Variants in MACROD2 observed in about 807,000 individuals in gnomAD.
The protein encoded by MACROD2 is ADP-ribose glycohydrolase MACROD2.
A neutral mutation model predicts 70.4 loss-of-function variants in MACROD2; 36 were observed. The ratio of observed to expected loss-of-function variants is 0.51; its 90% CI spans 0.39 to 0.68. The LOEUF (loss-of-function observed/expected upper bound fraction) is 0.68. Among genes scored for constraint, MACROD2 ranks in the 30% least tolerant of loss-of-function variants. MACROD2 has a pLI of 0.00. For synonymous variants in MACROD2, 172 were observed against 178.8 expected, an observed-to-expected ratio of 0.96 and a Z score of 0.30; for missense variants, 496 against 538.4, an observed-to-expected ratio of 0.92 and a Z score of 0.78.
At chr20:14,190,728 T>TTTTTTTTTC (rs765628902) in intron 3 of MACROD2, among the ~76,000 whole-genome samples, 3 of 71,660 alleles carry the variant, frequency 4.2e-5, no homozygotes, top group African/African-American at 6.5e-5. Context: ...TTTTTTTTTT[T>TTTTTTTTTC]CCAGAGTCTT....
In MACROD2 at chr20:15,171,772, C is replaced by T. The variant is rs566662911; in HGVS notation, c.419-58168C>T. Among the ~76,000 whole-genome samples, 7 of 152,258 alleles carry T rather than the reference C, an allele frequency of 4.6e-5. No individual in the cohort carries two copies. In the East Asian group the frequency reaches 1.4e-3, roughly 29 times the overall value. On this transcript the variant is annotated intron_variant, in intron 5 of 17. Transcript: ENST00000684519. Reference sequence around the variant, plus strand: ...TTATTCTCTATCACTGTGTTTTGTTCTGAAATCCTTCCTGACATTCCCACA... The same window carrying T: ...TTATTCTCTATCACTGTGTTTTGTTTTGAAATCCTTCCTGACATTCCCACA...
intron 5 of MACROD2, among the ~76,000 whole-genome samples, chr20:14,734,526 CA>C (rs899461914): frequency 6.4e-5 from 7 of 109,808 alleles, no homozygotes; most frequent in Non-Finnish European, 1.4e-4. Flanking sequence ...ACAAAAAAAA[CA>C]AAAACAAAAA....
chr20:14,996,257 T>C (rs1455287029), intron 5 of MACROD2, among the ~76,000 whole-genome samples: 3 of 152,176 alleles, frequency 2.0e-5, no homozygotes, highest in Admixed American at 6.5e-5. Context: ...TGTGTGGCTT[T>C]TCACATCAAG....
intron 5 of MACROD2, among the ~76,000 whole-genome samples, chr20:14,945,601 A>G (rs184799402): frequency 6.1e-4 from 93 of 152,230 alleles, no homozygotes; most frequent in Non-Finnish European, 7.1e-4. Context: ...TTATTAAAGG[A>G]TTACCAATTG....
At chr20:15,357,587 C>T (rs952199919) in intron 6 of MACROD2, among the ~76,000 whole-genome samples, 1 of 152,040 alleles carries the variant, frequency 6.6e-6, no homozygotes, top group African/African-American at 2.4e-5. Flanking sequence ...ATAATTCCTA[C>T]ACACATTACA....
At chr20:16,043,769 A>G (rs944835605) in intron 16 of MACROD2, among the ~76,000 whole-genome samples, 2 of 152,112 alleles carry the variant, frequency 1.3e-5, no homozygotes, top group African/African-American at 4.8e-5. Flanking sequence ...AAAGTATGGC[A>G]AACCAAACAG....
intron 4 of MACROD2, among the ~76,000 whole-genome samples, chr20:14,522,629 G>A (rs2085181756): frequency 6.6e-6 from 1 of 152,146 alleles, no homozygotes; most frequent in Non-Finnish European, 1.5e-5. Flanking sequence ...AGGCCTTTTG[G>A]TTTCTTAAAA....
At chr20:14,802,683 G>A (rs573600756) in intron 5 of MACROD2, among the ~76,000 whole-genome samples, 21 of 151,716 alleles carry the variant, frequency 1.4e-4, no homozygotes, top group Admixed American at 1.3e-3. Context: ...TGATATCTTC[G>A]TAAATTTGTA....
chr20:14,001,380 G>A (rs1466297739), intron 1 of MACROD2, among the ~76,000 whole-genome samples: 4 of 151,444 alleles, frequency 2.6e-5, no homozygotes, highest in Non-Finnish European at 5.9e-5. Flanking sequence ...TCATTTTATC[G>A]TCAAGATATA....
chr20:15,919,320 G>A (rs2065366742), intron 10 of MACROD2, among the ~76,000 whole-genome samples: 2 of 152,208 alleles, frequency 1.3e-5, no homozygotes, highest in Non-Finnish European at 2.9e-5. Context: ...GGAAACAGAT[G>A]TTCCTATCTG....
intron 7 of MACROD2, among the ~76,000 whole-genome samples, chr20:15,491,089 G>T (rs914740131): frequency 6.6e-6 from 1 of 152,098 alleles, no homozygotes; most frequent in Non-Finnish European, 1.5e-5. Flanking sequence ...CATAATAATT[G>T]CTCAGTAAAT....
chr20:14,134,818 A>AAC (rs1425987822), intron 3 of MACROD2, among the ~76,000 whole-genome samples: 1 of 151,422 alleles, frequency 6.6e-6, no homozygotes, highest in Non-Finnish European at 1.5e-5. Context: ...AAAAAAAAAA[A>AAC]AAAACAGCTA....
intron 2 of MACROD2, among the ~76,000 whole-genome samples, chr20:14,026,534 G>A (rs145923171): frequency 2.3e-4 from 35 of 152,266 alleles, no homozygotes; most frequent in African/African-American, 8.2e-4. Context: ...TGTAAGGCAG[G>A]CCTGATGGTG....
chr20:15,569,593 G>A (rs145661254), intron 8 of MACROD2, among the ~76,000 whole-genome samples: 11 of 152,266 alleles, frequency 7.2e-5, no homozygotes, highest in East Asian at 5.8e-4. Context: ...GCTCTGCTGC[G>A]ATGAGATCAG....
At chr20:15,523,305 CT>C (rs1247656129) in intron 8 of MACROD2, among the ~76,000 whole-genome samples, 1 of 152,164 alleles carries the variant, frequency 6.6e-6, no homozygotes, top group Non-Finnish European at 1.5e-5. Flanking sequence ...ACACAATGTA[CT>C]TTTCAAAATG....
intron 8 of MACROD2, among the ~76,000 whole-genome samples, chr20:15,516,978 A>G (rs894975279): frequency 8.5e-5 from 13 of 152,170 alleles, no homozygotes; most frequent in African/African-American, 2.9e-4. Flanking sequence ...TCTTGTTTCA[A>G]TGTGTTCATA....
intron 5 of MACROD2, among the ~76,000 whole-genome samples, chr20:15,137,910 A>G (rs1225792038): frequency 6.6e-6 from 1 of 152,080 alleles, no homozygotes; most frequent in Non-Finnish European, 1.5e-5. Context: ...TCTACTCTTC[A>G]TTTTGCTCCT....
At chr20:15,714,117 T>G (rs894863143) in intron 8 of MACROD2, among the ~76,000 whole-genome samples, 1 of 151,984 alleles carries the variant, frequency 6.6e-6, no homozygotes, top group East Asian at 1.9e-4. Context: ...TGTGTTTAAC[T>G]ATGCACATTA....
At chr20:14,475,205 A>G (rs905403662) in intron 3 of MACROD2, among the ~76,000 whole-genome samples, 5 of 152,070 alleles carry the variant, frequency 3.3e-5, no homozygotes, top group Admixed American at 6.5e-5. Context: ...ACTGATAACA[A>G]CTTACCTTAA....
Sources: gnomAD v4.1 joint callset for allele counts (sites outside exome capture counted in the v4.1 genomes callset) on GRCh38, gnomAD v4.1.1 for gene constraint, MANE v1.5 for transcripts, NCBI Gene and HGNC (gene_info 2026-07-23, HGNC 2026-07-21) for gene names.